ZNF19: variants seen among roughly 807,000 people sequenced by gnomAD.
The protein encoded by ZNF19 is zinc finger protein 19 (KOX 12).
In ZNF19, 11 loss-of-function variants were observed where a neutral mutation model predicts 13.1. The ratio of observed to expected loss-of-function variants is 0.84; its 90% CI spans 0.53 to 1.39. The LOEUF (loss-of-function observed/expected upper bound fraction) is 1.39. Ranked by LOEUF, ZNF19 falls within the 40% of genes most tolerant of loss-of-function variation. The probability of loss-of-function intolerance (pLI) is 0.00; values close to 1 mark genes in which losing one functional copy is unlikely to be tolerated. For missense variants in ZNF19, 560 were observed against 547.0 expected, an observed-to-expected ratio of 1.02 and a Z score of -0.24; for synonymous variants, 186 against 187.0, an observed-to-expected ratio of 0.99 and a Z score of 0.04.
chr16:71,488,357 CAAAAA>C (rs1204906609), intron 1 of ZNF19, among the ~76,000 whole-genome samples: 3 of 65,404 alleles, frequency 4.6e-5, no homozygotes, highest in East Asian at 4.5e-4. Context: ...GAGACTATCT[CAAAAA>C]AAAAAAAAAA....
In ZNF19 at chr16:71,475,807, C is replaced by T. The variant is rs2043598055; in HGVS notation, c.740G>A (p.Cys247Tyr). 6.2e-7 allele frequency: 1 copy of T among 1,612,840 alleles called. No individual in the cohort carries two copies. The highest frequency in any genetic ancestry group is 2.2e-5 in the East Asian group (1 of 44,838). Residue 247 changes from cysteine (C) to tyrosine (Y), a missense_variant, in exon 6 of 6, where the codon TGT becomes TAT. Physicochemically the swap from Cys to Tyr is radical, Grantham distance 194. Coordinates refer to ENST00000288177, the MANE Select transcript of ZNF19 (RefSeq NM_006961.4). ...RIHSGDRPYY[C>Y]TECGNSFTSS... ...CGTGAAACTATTCCCACACTCTGTA[C>T]AGTAATAGGGTCTGTCCCCACTGTG... is the stretch of plus-strand genomic sequence containing the variant.
chr16:71,477,704 C>T (rs1156898410), intron 5 of ZNF19, among the ~76,000 whole-genome samples: 3 of 152,132 alleles, frequency 2.0e-5, no homozygotes, highest in African/African-American at 7.2e-5. Context: ...CACCTCACGC[C>T]CTGTGCTCAG....
intron 1 of ZNF19, among the ~76,000 whole-genome samples, chr16:71,485,501 C>A: frequency 6.7e-6 from 1 of 148,236 alleles, no homozygotes; most frequent in African/African-American, 2.5e-5. Flanking sequence ...AAAGAAAGAC[C>A]AGGTCTAAGG....
chr16:71,485,720 AAC>A (rs373156823), intron 1 of ZNF19, among the ~76,000 whole-genome samples: 2 of 151,604 alleles, frequency 1.3e-5, no homozygotes, highest in Non-Finnish European at 1.5e-5. Context: ...AAAAATACTG[AAC>A]ACACACACAC....
intron 3 of ZNF19, among the ~76,000 whole-genome samples, chr16:71,480,770 C>T (rs544185949): frequency 6.6e-6 from 1 of 152,198 alleles, no homozygotes; most frequent in East Asian, 1.9e-4. Context: ...CAGACCACCA[C>T]CAGTAGCGGA....
intron 2 of ZNF19, among the ~76,000 whole-genome samples, chr16:71,482,816 C>T (rs2043646127): frequency 6.6e-6 from 1 of 152,186 alleles, no homozygotes; most frequent in East Asian, 1.9e-4. Context: ...ATTCTCCTGC[C>T]TCAGCCTCTC....
At chr16:71,489,244 C>G in intron 1 of ZNF19, 28 bp downstream of exon 1, 1 of 985,598 alleles carries the variant, frequency 1.0e-6, no homozygotes, top group Non-Finnish European at 1.2e-6. Context: ...CAAGCTCCGC[C>G]CAACTGTGGG....
intron 5 of ZNF19, among the ~76,000 whole-genome samples, chr16:71,477,031 A>G (rs1437204370): frequency 2.6e-5 from 4 of 152,208 alleles, no homozygotes; most frequent in African/African-American, 7.2e-5. Flanking sequence ...CAAAAAGGAG[A>G]CAAACAGCCC....
rs2043597955 is a variant in ZNF19, at chr16:71,475,793, TC to T, written c.753del (p.Asn252IlefsTer65). 1.9e-6 allele frequency: 3 copies of T among 1,613,032 alleles called. No homozygotes were observed. Among genetic ancestry groups the T allele is most frequent in the Non-Finnish European group, 8.5e-7 (1 of 1,179,212 alleles). The stretch of plus-strand genomic sequence containing the variant: ...AACTCGGAACTACTCGTGAAACTAT[TC>T]CCACACTCTGTACAGTAATAGGGTC... The part of the protein sequence containing the change: ...GDRPYYCTEC[G>X]NSFTSSSEFV... On this transcript the variant is annotated frameshift_variant, in exon 6 of 6. Coordinates refer to ENST00000288177, the MANE Select transcript of ZNF19 (RefSeq NM_006961.4). LOFTEE classifies it low-confidence loss of function (END_TRUNC).
intron 2 of ZNF19, among the ~76,000 whole-genome samples, chr16:71,483,909 G>A (rs1361345130): frequency 6.6e-6 from 1 of 152,204 alleles, no homozygotes; most frequent in Admixed American, 6.5e-5. Context: ...ACTGCCAGGG[G>A]AAACTAACGT....
chr16:71,478,850 T>C (rs773198376), intron 4 of ZNF19, 29 bp downstream of exon 4: 1 of 1,611,578 alleles, frequency 6.2e-7, no homozygotes, highest in East Asian at 2.2e-5. Flanking sequence ...AAAGTACAGA[T>C]CTGAGTCCTA....
rs1488213444 is a variant in ZNF19, at chr16:71,476,001, G to C, written c.546C>G (p.Ile182Met). ...YFSYYARHQR[I>M]HTGEKPFECS... ...ACTCAAAAGGTTTCTCCCCAGTGTG[G>C]ATTCTCTGGTGTCTAGCATAGTAAG... The change falls in exon 6 of 6, where the codon ATC (isoleucine) becomes ATG (methionine). Residue 182 changes from isoleucine to methionine, a missense_variant. Transcript: ENST00000288177. 1.9e-6 allele frequency: 3 copies of C among 1,614,198 alleles called. No homozygotes were observed. In the South Asian group the frequency reaches 3.3e-5, roughly 18 times the overall value.
chr16:71,476,345 G>C, intron 5 of ZNF19, 73 bp from the exon 6 acceptor site: 1 of 1,459,840 alleles, frequency 6.9e-7, no homozygotes, highest in Non-Finnish European at 9.1e-7. Context: ...CATTGAAAAT[G>C]ATAAGGCTTT....
rs74896398 is a variant in ZNF19 at position 71,484,046 on chromosome 16, A to T, written c.-30+543T>A. ...AACACTGTAGTAGCAGTCAAAGGAG[A>T]GTGTGCTGTTAGATGATGCTGAAGA... is the stretch of plus-strand genomic sequence containing the variant. On this transcript the variant is annotated intron_variant, in intron 2 of 5. Coordinates refer to ENST00000288177, the MANE Select transcript of ZNF19 (RefSeq NM_006961.4). 7.2e-5 allele frequency among the ~76,000 whole-genome samples: 11 copies of T among 152,324 alleles called. No individual in the cohort carries two copies. The East Asian group carries it at 1.7e-3, about 24-fold the overall frequency.
intron 3 of ZNF19, among the ~76,000 whole-genome samples, chr16:71,479,296 C>T (rs1234243949): frequency 6.6e-6 from 1 of 152,144 alleles, no homozygotes; most frequent in African/African-American, 2.4e-5. Flanking sequence ...GTTAACCTTC[C>T]TAGGGCAAAA....
chr16:71,475,325 T>C lies in ZNF19; in HGVS notation c.1222A>G (p.Thr408Ala), dbSNP rs1405220016. 6.2e-7 allele frequency: 1 copy of C among 1,614,062 alleles called. No homozygotes were observed. The highest frequency in any genetic ancestry group is 8.5e-7 in the Non-Finnish European group (1 of 1,180,026). ...RNLHQHQRIH[T>A]GEKPYECSKY... ...CTACACTCATAGGGTTTCTCTCCAGTATGGATTCTTTGATGCTGATGAAGA... is the reference window on the plus strand; with the variant it reads ...CTACACTCATAGGGTTTCTCTCCAGCATGGATTCTTTGATGCTGATGAAGA... Residue 408 changes from threonine (T) to alanine (A), a missense_variant, in exon 6 of 6, where the codon ACT becomes GCT. Physicochemically the swap from Thr to Ala is moderately conservative, Grantham distance 58. Coordinates refer to ENST00000288177, the MANE Select transcript of ZNF19 (RefSeq NM_006961.4).
intron 3 of ZNF19, among the ~76,000 whole-genome samples, chr16:71,481,592 G>A (rs753902911): frequency 3.3e-5 from 5 of 152,172 alleles, no homozygotes; most frequent in South Asian, 4.1e-4. Flanking sequence ...TTCGCCAGCA[G>A]TACTGACCTC....
intron 1 of ZNF19, chr16:71,487,532 T>C (rs2043687810): frequency 6.6e-6 from 1 of 152,230 alleles, no homozygotes; most frequent in African/African-American, 2.4e-5. Context: ...TCACAATCTC[T>C]ACCATCAAAC....
chr16:71,475,697 C>G lies in ZNF19; in HGVS notation c.850G>C (p.Gly284Arg). Residue 284 changes from glycine (G) to arginine (R), a missense_variant, in exon 6 of 6, where the codon GGT (glycine) becomes CGT (arginine). Transcript: ENST00000288177. The stretch of plus-strand genomic sequence containing the variant: ...TGATGCCGAAGTAGGGGTGAATTAC[C>G]AACAAAAGCTTTGCCACACTCATTA... The part of the protein sequence containing the change: ...ECNECGKAFV[G>R]NSPLLRHQKI... 1 of 1,612,324 alleles carries G rather than the reference C, an allele frequency of 6.2e-7. No homozygotes were observed. Among genetic ancestry groups the G allele is most frequent in the South Asian group, 1.1e-5 (1 of 90,870 alleles).
Sources: allele counts gnomAD v4.1 joint callset (sites outside exome capture counted in the v4.1 genomes callset), GRCh38; gene constraint gnomAD v4.1.1; transcripts MANE v1.5; gene names NCBI Gene and HGNC (gene_info 2026-07-23, HGNC 2026-07-21).